The following RCAN2 variants were observed in gnomAD, a reference collection of about 807,000 sequenced individuals.
RCAN2 encodes regulator of calcineurin 2, also known as calcipressin-2.
A neutral mutation model predicts 23.6 loss-of-function variants in RCAN2; 9 were observed. The ratio of observed to expected loss-of-function variants is 0.38; its 90% CI spans 0.23 to 0.67. RCAN2 has a LOEUF of 0.67. RCAN2 is among the 30% of genes least tolerant of loss of function. The probability of loss-of-function intolerance (pLI) is 0.51; values close to 1 mark genes in which losing one functional copy is unlikely to be tolerated. For missense variants in RCAN2, 273 were observed against 302.3 expected (o/e 0.90, Z 0.72); for synonymous variants, 109 against 115.7 (o/e 0.94, Z 0.37).
chr6:46,345,563 G>A (rs768035232), intron 2 of RCAN2, among the ~76,000 whole-genome samples: 7 of 152,050 alleles, frequency 4.6e-5, no homozygotes, highest in East Asian at 1.9e-4. Context: ...AGCAGTTCTC[G>A]TCATATAATA....
chr6:46,319,158 C>T (rs1297100685), intron 2 of RCAN2, among the ~76,000 whole-genome samples: 1 of 152,208 alleles, frequency 6.6e-6, no homozygotes, highest in Non-Finnish European at 1.5e-5. Context: ...GGGCTAGTCA[C>T]TGCAAAGTTG....
intron 2 of RCAN2, among the ~76,000 whole-genome samples, chr6:46,276,295 C>T (rs1767701437): frequency 6.6e-6 from 1 of 152,162 alleles, no homozygotes; most frequent in Non-Finnish European, 1.5e-5. Context: ...TGAGAGGTTT[C>T]CTCGGAATAT....
At chr6:46,256,588 A>T (rs535912252) in intron 2 of RCAN2, among the ~76,000 whole-genome samples, 1 of 152,248 alleles carries the variant, frequency 6.6e-6, no homozygotes, top group South Asian at 2.1e-4. Flanking sequence ...TTTCTTAAGT[A>T]GTCTGAGATG....
intron 2 of RCAN2, among the ~76,000 whole-genome samples, chr6:46,257,102 G>A (rs1339728361): frequency 6.6e-6 from 1 of 152,152 alleles, no homozygotes; most frequent in African/African-American, 2.4e-5. Flanking sequence ...GTCTGTTAGA[G>A]TTTCCAATCA....
At chr6:46,427,601 A>C (rs1767066913) in intron 2 of RCAN2, among the ~76,000 whole-genome samples, 1 of 152,230 alleles carries the variant, frequency 6.6e-6, no homozygotes, top group Non-Finnish European at 1.5e-5. Context: ...ATAAATAATG[A>C]CATACCTATC....
chr6:46,319,997 T>G (rs557197158), intron 2 of RCAN2, among the ~76,000 whole-genome samples: 116 of 152,318 alleles, frequency 7.6e-4, no homozygotes, highest in Non-Finnish European at 1.3e-3. Context: ...GAATGAGCAT[T>G]TCAGTTGACT....
intron 2 of RCAN2, among the ~76,000 whole-genome samples, chr6:46,264,736 C>T (rs934455003): frequency 1.3e-5 from 2 of 152,204 alleles, no homozygotes; most frequent in African/African-American, 2.4e-5. Context: ...ACCGACTCTT[C>T]GGCTATGGCT....
chr6:46,427,146 G>C (rs1561901278), intron 2 of RCAN2, among the ~76,000 whole-genome samples: 1 of 152,090 alleles, frequency 6.6e-6, no homozygotes, highest in African/African-American at 2.4e-5. Context: ...CTGGAATTTA[G>C]AATGACCCAT....
chr6:46,369,126 G>A (rs1037772012), intron 2 of RCAN2, among the ~76,000 whole-genome samples: 1 of 151,538 alleles, frequency 6.6e-6, no homozygotes, highest in Non-Finnish European at 1.5e-5. Context: ...ACACACATTA[G>A]CCTAGGTCTC....
intron 2 of RCAN2, among the ~76,000 whole-genome samples, chr6:46,414,967 T>A (rs1164339158): frequency 6.6e-6 from 1 of 152,202 alleles, no homozygotes; most frequent in African/African-American, 2.4e-5. Flanking sequence ...TTGTGAATTC[T>A]CTAATGTGGT....
intron 2 of RCAN2, among the ~76,000 whole-genome samples, chr6:46,455,839 A>G (rs1012669414): frequency 6.6e-5 from 10 of 150,854 alleles, no homozygotes; most frequent in African/African-American, 2.4e-4. Flanking sequence ...CCTGGGCAAC[A>G]GAGCGAGATT....
intron 2 of RCAN2, among the ~76,000 whole-genome samples, chr6:46,405,132 G>A (rs779710474): frequency 3.9e-5 from 6 of 152,114 alleles, no homozygotes; most frequent in Non-Finnish European, 8.8e-5. Flanking sequence ...CTCTTAAGGC[G>A]GCGCATCTGG....
intron 1 of RCAN2, among the ~76,000 whole-genome samples, chr6:46,489,575 T>C (rs747626878): frequency 6.6e-6 from 1 of 152,250 alleles, no homozygotes; most frequent in African/African-American, 2.4e-5. Flanking sequence ...TTTAACACCG[T>C]GATGTGCACT....
intron 2 of RCAN2, among the ~76,000 whole-genome samples, chr6:46,338,781 G>T (rs769853547): frequency 3.2e-4 from 49 of 152,216 alleles, no homozygotes; most frequent in Non-Finnish European, 6.3e-4. Flanking sequence ...GGGAGGCCAA[G>T]GTGGGTGGAT....
intron 1 of RCAN2, among the ~76,000 whole-genome samples, chr6:46,474,038 G>C (rs1013373236): frequency 6.6e-6 from 1 of 152,090 alleles, no homozygotes; most frequent in African/African-American, 2.4e-5. Flanking sequence ...GATTATGCAG[G>C]GACACCCAGG....
At chr6:46,439,629 C>T (rs1767472254) in intron 2 of RCAN2, among the ~76,000 whole-genome samples, 1 of 152,152 alleles carries the variant, frequency 6.6e-6, no homozygotes, top group Non-Finnish European at 1.5e-5. Context: ...GATATGTAAA[C>T]TCAGAGATGT....
chr6:46,238,170 G>C (rs184971763), intron 4 of RCAN2, among the ~76,000 whole-genome samples: 1 of 152,284 alleles, frequency 6.6e-6, no homozygotes, highest in East Asian at 1.9e-4. Context: ...AGGAAAAAAA[G>C]TGTGTGTGTG....
intron 2 of RCAN2, among the ~76,000 whole-genome samples, chr6:46,404,339 G>T (rs1766339588): frequency 6.6e-6 from 1 of 152,138 alleles, no homozygotes; most frequent in Non-Finnish European, 1.5e-5. Flanking sequence ...TACATCTATG[G>T]TGTTACATAA....
chr6:46,328,514 A>T (rs762152580), intron 2 of RCAN2, among the ~76,000 whole-genome samples: 1 of 152,220 alleles, frequency 6.6e-6, no homozygotes, highest in Admixed American at 6.5e-5. Flanking sequence ...TGGGTTTTTA[A>T]TAGTCATTCG....
Sources: gnomAD v4.1 joint callset for allele counts (sites outside exome capture counted in the v4.1 genomes callset) on GRCh38, gnomAD v4.1.1 for gene constraint, MANE v1.5 for transcripts, NCBI Gene and HGNC (gene_info 2026-07-23, HGNC 2026-07-21) for gene names.